Variants in MCPH1 observed in about 807,000 individuals in gnomAD.
MCPH1 encodes the protein microcephalin.
A neutral mutation model predicts 84.5 loss-of-function variants in MCPH1; 104 were observed. The observed-to-expected ratio is 1.23, with a 90% CI of 1.05 to 1.45. The LOEUF (loss-of-function observed/expected upper bound fraction) is 1.45. Among genes scored for constraint, MCPH1 ranks in the 40% most tolerant of loss-of-function variants. MCPH1 has a pLI of 0.00. For synonymous variants in MCPH1, 514 were observed against 366.8 expected, an observed-to-expected ratio of 1.40 and a Z score of -4.58; for missense variants, 1,498 against 1,005.7, an observed-to-expected ratio of 1.49 and a Z score of -6.62.
intron 9 of MCPH1, among the ~76,000 whole-genome samples, chr8:6,467,815 C>G (rs1807172462): frequency 6.6e-6 from 1 of 152,126 alleles, no homozygotes; most frequent in South Asian, 2.1e-4. Flanking sequence ...CCAGGCTGGT[C>G]TTGAACTCTT....
intron 13 of MCPH1, among the ~76,000 whole-genome samples, chr8:6,633,042 T>A (rs1797282706): frequency 1.3e-5 from 2 of 151,822 alleles, no homozygotes; most frequent in African/African-American, 2.4e-5. Context: ...AAAAAACTCT[T>A]CAGAAACCAG....
At chr8:6,406,816 C>G (rs1797762028) in intron 1 of MCPH1, 127 bp downstream of exon 1, 1 of 1,018,318 alleles carries the variant, frequency 9.8e-7, no homozygotes, top group Admixed American at 2.0e-5. Context: ...CTGTCTCCCC[C>G]AGACCCCCTG....
At chr8:6,575,667 A>T (rs1370677797) in intron 12 of MCPH1, among the ~76,000 whole-genome samples, 2 of 152,198 alleles carry the variant, frequency 1.3e-5, no homozygotes, top group African/African-American at 4.8e-5. Flanking sequence ...CGTCTTCGGA[A>T]GTAGGGCCAT....
At chr8:6,452,602 A>T in intron 8 of MCPH1, among the ~76,000 whole-genome samples, 1 of 152,230 alleles carries the variant, frequency 6.6e-6, no homozygotes, top group Admixed American at 6.5e-5. Flanking sequence ...GGATAGGGTG[A>T]TCTTTGGAAG....
At chr8:6,542,540 G>C (rs988945522) in intron 12 of MCPH1, among the ~76,000 whole-genome samples, 3 of 151,484 alleles carry the variant, frequency 2.0e-5, no homozygotes, top group Non-Finnish European at 4.4e-5. Context: ...CTTAAACCCT[G>C]GTCTCCCAAC....
intron 13 of MCPH1, among the ~76,000 whole-genome samples, chr8:6,631,480 C>A (rs576867069): frequency 4.9e-4 from 74 of 150,326 alleles, no homozygotes; most frequent in Middle Eastern, 3.4e-3. Flanking sequence ...AAAAAAAAAA[C>A]CCCAGTTTCA....
intron 8 of MCPH1, chr8:6,446,267 CA>C: frequency 1.0e-6 from 1 of 984,284 alleles, no homozygotes; most frequent in Non-Finnish European, 1.2e-6. Flanking sequence ...TAGGTTCCAG[CA>C]ACCAAAATTG....
At chr8:6,585,691 A>G (rs1318338955) in intron 12 of MCPH1, among the ~76,000 whole-genome samples, 3 of 152,152 alleles carry the variant, frequency 2.0e-5, no homozygotes, top group Admixed American at 6.5e-5. Flanking sequence ...TTCCTTCCAT[A>G]TGGCCCATAG....
chr8:6,576,095 C>T (rs75537228), intron 12 of MCPH1, among the ~76,000 whole-genome samples: 8,972 of 150,374 alleles, frequency 0.06, 361 homozygotes, highest in East Asian at 0.11. Context: ...TAAAATATAA[C>T]GCTACCTTGC....
rs147445649 is a variant in MCPH1, at chr8:6,617,604, C to T, written c.2215-3850C>T. On this transcript the variant is annotated intron_variant, in intron 12 of 13. Coordinates refer to ENST00000344683, the MANE Select transcript of MCPH1 (RefSeq NM_024596.5). Reference sequence around the variant, plus strand: ...ACATGTCCTGCACGCACTCCTGTTTCTGGGGTGTGTGCATGTGTGTGTGTG... The same window carrying T: ...ACATGTCCTGCACGCACTCCTGTTTTTGGGGTGTGTGCATGTGTGTGTGTG... 2.7e-3 allele frequency among the ~76,000 whole-genome samples: 410 copies of T among 151,666 alleles called. 2 individuals carry two copies. Among genetic ancestry groups the T allele is most frequent in the African/African-American group, 9.3e-3 (385 of 41,320 alleles).
intron 12 of MCPH1, among the ~76,000 whole-genome samples, chr8:6,511,702 C>T (rs936746871): frequency 9.2e-5 from 14 of 152,178 alleles, no homozygotes; most frequent in Non-Finnish European, 5.9e-5. Flanking sequence ...TTTTATCTTG[C>T]CAAGCAAATT....
chr8:6,526,633 T>G (rs897318182), intron 12 of MCPH1, among the ~76,000 whole-genome samples: 2 of 152,234 alleles, frequency 1.3e-5, no homozygotes, highest in Non-Finnish European at 2.9e-5. Flanking sequence ...CAGAAAGAAT[T>G]ATTTCAGCTT....
chr8:6,634,163 G>A (rs1286896704), intron 13 of MCPH1, among the ~76,000 whole-genome samples: 2 of 152,186 alleles, frequency 1.3e-5, no homozygotes, highest in Non-Finnish European at 2.9e-5. Context: ...CACTGAACCC[G>A]TGCCACTCAG....
rs548389420 is a variant in MCPH1, at chr8:6,627,234, T to C, written c.2452+5543T>C. On this transcript the variant is annotated intron_variant, in intron 13 of 13. Coordinates refer to ENST00000344683, the MANE Select transcript of MCPH1 (RefSeq NM_024596.5). Reference sequence around the variant, plus strand: ...CCTGATTCAGTAGATATGTGAGGCTTGATCAGTCACCGCAGTCCACATCTC... The same window carrying C: ...CCTGATTCAGTAGATATGTGAGGCTCGATCAGTCACCGCAGTCCACATCTC... 171 of 985,398 alleles carry C rather than the reference T, an allele frequency of 1.7e-4. No individual in the cohort carries two copies. In the African/African-American group the frequency reaches 2.8e-3, roughly 16 times the overall value. The allele number at this position is 985,398 out of a possible 1,614,324, so 61.0% of individuals were successfully genotyped here.
intron 9 of MCPH1, among the ~76,000 whole-genome samples, chr8:6,469,569 G>T (rs931272078): frequency 4.6e-5 from 7 of 152,114 alleles, no homozygotes; most frequent in Non-Finnish European, 1.0e-4. Context: ...GGCTTATACT[G>T]GGCGTGAACA....
At chr8:6,430,226 C>T (rs1351514599) in intron 3 of MCPH1, among the ~76,000 whole-genome samples, 1 of 152,180 alleles carries the variant, frequency 6.6e-6, no homozygotes, top group Non-Finnish European at 1.5e-5. Flanking sequence ...GCACTGTGTT[C>T]TTTTTTAAAT....
chr8:6,411,353 G>C (rs1190736737), intron 2 of MCPH1, among the ~76,000 whole-genome samples: 1 of 152,126 alleles, frequency 6.6e-6, no homozygotes, highest in Non-Finnish European at 1.5e-5. Context: ...CAGCTATATA[G>C]AAATAAATAA....
At chr8:6,592,635 T>C (rs1166231312) in intron 12 of MCPH1, among the ~76,000 whole-genome samples, 59 of 139,734 alleles carry the variant, frequency 4.2e-4, no homozygotes, top group African/African-American at 1.6e-3. Context: ...TTTTTTTTTT[T>C]TTTTTTTTGT....
intron 11 of MCPH1, among the ~76,000 whole-genome samples, chr8:6,497,656 G>A (rs1440258909): frequency 1.3e-5 from 2 of 152,194 alleles, no homozygotes; most frequent in Non-Finnish European, 2.9e-5. Context: ...CGGGATGACT[G>A]GGTACAACAC....
Sources: gnomAD v4.1 joint callset for allele counts (sites outside exome capture counted in the v4.1 genomes callset) on GRCh38, gnomAD v4.1.1 for gene constraint, MANE v1.5 for transcripts, NCBI Gene and HGNC (gene_info 2026-07-23, HGNC 2026-07-21) for gene names.